Variants in HSD17B12 observed in about 807,000 individuals in gnomAD.
HSD17B12 encodes the protein very-long-chain 3-oxoacyl-CoA reductase.
HSD17B12 carries 32 observed loss-of-function variants against 39.3 expected under a neutral mutation model. The ratio of observed to expected loss-of-function variants is 0.81; its 90% CI spans 0.61 to 1.09. The LOEUF is 1.09. Among genes scored for constraint, HSD17B12 ranks in the 50% least tolerant of loss-of-function variants. The probability of loss-of-function intolerance (pLI) is 0.00; values close to 1 mark genes in which losing one functional copy is unlikely to be tolerated. For missense variants in HSD17B12, 342 were observed against 382.9 expected, an observed-to-expected ratio of 0.89 and a Z score of 0.89; for synonymous variants, 150 against 146.7, an observed-to-expected ratio of 1.02 and a Z score of -0.16.
the HSD17B12 span, among the ~76,000 whole-genome samples, chr11:43,619,140 A>T: frequency 4.9e-5 from 6 of 123,690 alleles, no homozygotes; most frequent in Non-Finnish European, 1.0e-4. Flanking sequence ...AGCTTTCTCA[A>T]CAGCCAGGAA....
At chr11:43,576,859 A>G in the HSD17B12 span, among the ~76,000 whole-genome samples, 1 of 151,918 alleles carries the variant, frequency 6.6e-6, no homozygotes, top group African/African-American at 2.4e-5. Context: ...GAATCTCTGA[A>G]TCAATAGCTG....
intron 9 of HSD17B12, among the ~76,000 whole-genome samples, chr11:43,849,140 C>CA (rs201360813): frequency 2.5e-4 from 38 of 152,068 alleles, no homozygotes; most frequent in East Asian, 1.7e-3. Flanking sequence ...CCTGTCTCTA[C>CA]AAAAAAATTA....
intron 1 of HSD17B12, among the ~76,000 whole-genome samples, chr11:43,740,716 C>A (rs996421414): frequency 2.0e-5 from 3 of 152,226 alleles, no homozygotes; most frequent in Non-Finnish European, 4.4e-5. Flanking sequence ...TTCCATTAAG[C>A]AGCCTTTTTC....
chr11:43,680,733 T>C, upstream of HSD17B12: 6 of 1,097,168 alleles, frequency 5.5e-6, no homozygotes, highest in South Asian at 1.3e-5. Flanking sequence ...GCAGCGCCTA[T>C]TAGTGTCATC....
intron 3 of HSD17B12, among the ~76,000 whole-genome samples, chr11:43,766,622 T>C (rs1212712517): frequency 6.6e-6 from 1 of 152,184 alleles, no homozygotes; most frequent in Non-Finnish European, 1.5e-5. Flanking sequence ...CATCACACTT[T>C]TAAAGAGAGA....
the HSD17B12 span, among the ~76,000 whole-genome samples, chr11:43,635,546 A>C: frequency 6.6e-6 from 1 of 152,208 alleles, no homozygotes. Context: ...CTAAGTGCTG[A>C]AATGTTTGGG....
At chr11:43,672,967 C>T in the HSD17B12 span, 1 of 152,192 alleles carries the variant, frequency 6.6e-6, no homozygotes, top group Non-Finnish European at 1.5e-5. Flanking sequence ...TTGTTCATCA[C>T]AACACTTTTT....
upstream of HSD17B12, chr11:43,680,477 G>C (rs2041014586): frequency 6.3e-6 from 2 of 318,414 alleles, no homozygotes; most frequent in Non-Finnish European, 6.0e-6. Flanking sequence ...CGGCCAATCC[G>C]AGCGCAGTCT....
chr11:43,563,339 G>T, the HSD17B12 span, among the ~76,000 whole-genome samples: 3 of 152,120 alleles, frequency 2.0e-5, no homozygotes, highest in Admixed American at 1.3e-4. Context: ...ACCAATCCTG[G>T]GTTGTTATGC....
chr11:43,611,228 C>G, the HSD17B12 span, among the ~76,000 whole-genome samples: 1 of 152,042 alleles, frequency 6.6e-6, no homozygotes, highest in African/African-American at 2.4e-5. Flanking sequence ...ATAACAACAA[C>G]AAAATGAAGT....
chr11:43,816,301 A>G (rs1951122234), intron 5 of HSD17B12, 46 bp from the exon 6 acceptor site: 3 of 1,392,154 alleles, frequency 2.2e-6, no homozygotes, highest in Non-Finnish European at 2.9e-6. Flanking sequence ...TAATAGGGTC[A>G]CTTTCATGAT....
intron 1 of HSD17B12, among the ~76,000 whole-genome samples, chr11:43,682,566 A>C (rs1003786021): frequency 4.3e-5 from 6 of 137,948 alleles, no homozygotes; most frequent in Admixed American, 2.9e-4. Flanking sequence ...AAAAAAAAAA[A>C]CAGAAAGTGA....
the HSD17B12 span, among the ~76,000 whole-genome samples, chr11:43,628,129 AC>A: frequency 1.3e-5 from 2 of 151,436 alleles, no homozygotes; most frequent in Non-Finnish European, 3.0e-5. Context: ...TTTGTAACTT[AC>A]CCCCAATAAA....
Position 43,754,715 on chromosome 11 carries a change from T to A in HSD17B12, c.283+594T>A, listed in dbSNP as rs529903946. Reference sequence around the variant, plus strand: ...TATTTTATCGTATTCTGCTGAAATGTCTAAACTTGTTTGCTGTGACTTCAT... The same window carrying A: ...TATTTTATCGTATTCTGCTGAAATGACTAAACTTGTTTGCTGTGACTTCAT... On this transcript the variant is annotated intron_variant, in intron 3 of 10. Coordinates refer to ENST00000278353, the MANE Select transcript of HSD17B12 (RefSeq NM_016142.3). Among the ~76,000 whole-genome samples the A allele has an allele frequency of 5.3e-5, 8 of 152,374 alleles. No homozygotes were observed. In the East Asian group the frequency reaches 1.5e-3, roughly 29 times the overall value.
the HSD17B12 span, among the ~76,000 whole-genome samples, chr11:43,589,131 A>G: frequency 6.6e-6 from 1 of 152,182 alleles, no homozygotes; most frequent in African/African-American, 2.4e-5. Flanking sequence ...GAAGGGCAAG[A>G]ATATGTAACA....
intron 1 of HSD17B12, among the ~76,000 whole-genome samples, chr11:43,705,162 A>G (rs1312361248): frequency 6.6e-6 from 1 of 152,218 alleles, no homozygotes; most frequent in Non-Finnish European, 1.5e-5. Context: ...AGACTTTTGT[A>G]TGGGATATGG....
At chr11:43,563,236 TA>T in the HSD17B12 span, among the ~76,000 whole-genome samples, 1 of 152,186 alleles carries the variant, frequency 6.6e-6, no homozygotes, top group Non-Finnish European at 1.5e-5. Flanking sequence ...CAGTGATAAC[TA>T]AAACATGGAT....
the HSD17B12 span, among the ~76,000 whole-genome samples, chr11:43,577,769 G>C: frequency 6.6e-6 from 1 of 152,230 alleles, no homozygotes; most frequent in Non-Finnish European, 1.5e-5. Flanking sequence ...GGAGTTGCTG[G>C]TGCGATGCGC....
chr11:43,767,204 T>TAAA (rs398045163), intron 3 of HSD17B12, among the ~76,000 whole-genome samples: 1 of 146,256 alleles, frequency 6.8e-6, no homozygotes, highest in Admixed American at 6.8e-5. Context: ...GACTTTTGTG[T>TAAA]AAAAAAAAAA....
Sources: allele counts gnomAD v4.1 joint callset (sites outside exome capture counted in the v4.1 genomes callset), GRCh38; gene constraint gnomAD v4.1.1; transcripts MANE v1.5; gene names NCBI Gene and HGNC (gene_info 2026-07-23, HGNC 2026-07-21).